MAP4K3: variants seen among roughly 807,000 people sequenced by gnomAD.
The protein encoded by MAP4K3 is mitogen-activated protein kinase kinase kinase kinase 3.
MAP4K3 carries 94 observed loss-of-function variants against 143.5 expected under a neutral mutation model. That is an observed-to-expected ratio of 0.65 (90% CI 0.55 to 0.78). The LOEUF (loss-of-function observed/expected upper bound fraction) is 0.78. MAP4K3 is among the 30% of genes least tolerant of loss of function. MAP4K3 has a pLI of 0.00. For synonymous variants in MAP4K3, 416 were observed against 347.2 expected, an observed-to-expected ratio of 1.20 and a Z score of -2.20; for missense variants, 1,077 against 1,068.1, an observed-to-expected ratio of 1.01 and a Z score of -0.12.
At chr2:39,312,294 A>C (rs1456830261) in intron 13 of MAP4K3, among the ~76,000 whole-genome samples, 1 of 152,172 alleles carries the variant, frequency 6.6e-6, no homozygotes, top group Non-Finnish European at 1.5e-5. Context: ...CTGATCTTAT[A>C]ACCTGGGTAA....
At chr2:39,337,646 G>A (rs1665006412) in intron 4 of MAP4K3, 65 bp from the exon 5 acceptor site, 4 of 994,070 alleles carry the variant, frequency 4.0e-6, no homozygotes, top group Non-Finnish European at 1.5e-6. Flanking sequence ...ATATAATAAA[G>A]TTTTACAAGT....
chr2:39,295,259 T>A (rs1027405445), intron 16 of MAP4K3, among the ~76,000 whole-genome samples: 1 of 152,076 alleles, frequency 6.6e-6, no homozygotes, highest in African/African-American at 2.4e-5. Flanking sequence ...TGTGAAGAGC[T>A]GGCATTTGAG....
Position 39,414,703 on chromosome 2 carries a change from G to A in MAP4K3, c.96+22189C>T, listed in dbSNP as rs532127162. On this transcript the variant is annotated intron_variant, in intron 1 of 33. Coordinates refer to ENST00000263881, the MANE Select transcript of MAP4K3 (RefSeq NM_003618.4). Reference sequence around the variant, plus strand: ...ATCCTGGCTAACACGGTGAAACCCCGTCTCTAGTAAAAATACAAAAAATTA... The same window carrying A: ...ATCCTGGCTAACACGGTGAAACCCCATCTCTAGTAAAAATACAAAAAATTA... Among the ~76,000 whole-genome samples, 472 of 152,138 alleles carry A rather than the reference G, an allele frequency of 3.1e-3. 3 individuals carry two copies. The highest frequency in any genetic ancestry group is 0.011 in the African/African-American group (448 of 41,506).
intron 18 of MAP4K3, among the ~76,000 whole-genome samples, chr2:39,290,909 T>A (rs1436378808): frequency 6.6e-6 from 1 of 151,950 alleles, no homozygotes; most frequent in Non-Finnish European, 1.5e-5. Flanking sequence ...AAACACCATC[T>A]CTACTAAAAA....
intron 1 of MAP4K3, 95 bp from the exon 2 acceptor site, chr2:39,378,218 A>T (rs1278778140): frequency 1.6e-6 from 1 of 642,862 alleles, no homozygotes; most frequent in Non-Finnish European, 2.7e-6. Flanking sequence ...GTTATATAAA[A>T]ATATTTTAAA....
chr2:39,417,312 C>T (rs12328714), intron 1 of MAP4K3, among the ~76,000 whole-genome samples: 117,593 of 151,676 alleles, frequency 0.78, 51,235 homozygotes, highest in Non-Finnish European at 0.95. Context: ...CTCCTCCTCC[C>T]GGATTCACGC....
chr2:39,282,402 T>C lies in MAP4K3; in HGVS notation c.1629+111A>G, dbSNP rs878880644. On this transcript the variant is annotated intron_variant, in intron 22 of 33. Coordinates refer to ENST00000263881, the MANE Select transcript of MAP4K3 (RefSeq NM_003618.4). ...AATTAAATTAGCAATCTTATAGATT[T>C]TTTTTCAATAATAATGAAAGTTCTT... 3.5e-6 allele frequency: 3 copies of C among 858,138 alleles called. No homozygotes were observed. In the African/African-American group the frequency reaches 5.2e-5, roughly 15 times the overall value. 53.2% of individuals were successfully genotyped at this position (858,138 alleles called of 1,614,324 possible).
At chr2:39,322,470 A>T (rs1683339776) in intron 12 of MAP4K3, among the ~76,000 whole-genome samples, 1 of 152,046 alleles carries the variant, frequency 6.6e-6, no homozygotes, top group African/African-American at 2.4e-5. Context: ...CAGAATTAGA[A>T]TTACACCAGT....
chr2:39,332,819 TCA>T (rs1683723808), intron 7 of MAP4K3, among the ~76,000 whole-genome samples: 1 of 152,064 alleles, frequency 6.6e-6, no homozygotes, highest in Non-Finnish European at 1.5e-5. Context: ...CTGATTAATC[TCA>T]CAGGTTATAG....
chr2:39,288,087 T>A lies in MAP4K3; in HGVS notation c.1474+34A>T, dbSNP rs201723044. ...TTTTTCTCCCCATAGTATGAAAACC[T>A]GGTAACATATTTGCTGTCACCCTCC... On this transcript the variant is annotated intron_variant, in intron 20 of 33. Coordinates refer to ENST00000263881, the MANE Select transcript of MAP4K3 (RefSeq NM_003618.4). The A allele has an allele frequency of 2.5e-6, 4 of 1,610,854 alleles. No homozygotes were observed. In the African/African-American group the frequency reaches 5.3e-5, roughly 21 times the overall value.
intron 16 of MAP4K3, chr2:39,294,408 T>C (rs1389953814): frequency 6.6e-6 from 1 of 152,230 alleles, no homozygotes; most frequent in South Asian, 2.1e-4. Flanking sequence ...CACAAACTAA[T>C]TGCAAGTCCT....
chr2:39,307,552 A>G (rs1450801242), intron 15 of MAP4K3, among the ~76,000 whole-genome samples: 1 of 151,292 alleles, frequency 6.6e-6, no homozygotes, highest in Non-Finnish European at 1.5e-5. Flanking sequence ...ATATGAATAT[A>G]TGTACCATAT....
intron 14 of MAP4K3, 86 bp downstream of exon 14, chr2:39,309,375 C>CT (rs950889064): frequency 4.8e-5 from 45 of 946,080 alleles, no homozygotes; most frequent in Non-Finnish European, 7.0e-5. Context: ...TAATGACTAG[C>CT]TTTTTTGGTC....
At chr2:39,393,168 G>A (rs1666714110) in intron 1 of MAP4K3, among the ~76,000 whole-genome samples, 1 of 152,176 alleles carries the variant, frequency 6.6e-6, no homozygotes, top group Admixed American at 6.5e-5. Flanking sequence ...GATTAAGTGA[G>A]CTCATTAGAA....
chr2:39,330,517 G>C (rs977397815), intron 8 of MAP4K3, among the ~76,000 whole-genome samples: 6 of 152,108 alleles, frequency 3.9e-5, no homozygotes, highest in African/African-American at 7.2e-5. Flanking sequence ...ATCCAAGAAA[G>C]GAATGCTAAG....
At chr2:39,359,009 A>G (rs1357302047) in intron 2 of MAP4K3, among the ~76,000 whole-genome samples, 1 of 152,150 alleles carries the variant, frequency 6.6e-6, no homozygotes, top group African/African-American at 2.4e-5. Flanking sequence ...ACAGTCCCCC[A>G]AAGTCTTAGT....
At chr2:39,386,389 A>G (rs575931459) in intron 1 of MAP4K3, among the ~76,000 whole-genome samples, 64 of 152,368 alleles carry the variant, frequency 4.2e-4, no homozygotes, top group African/African-American at 1.4e-3. Context: ...AAATATACAG[A>G]GCAAAAGTTT....
At chr2:39,324,655 C>T (rs1428832986) in intron 12 of MAP4K3, among the ~76,000 whole-genome samples, 1 of 152,108 alleles carries the variant, frequency 6.6e-6, no homozygotes, top group Non-Finnish European at 1.5e-5. Context: ...ATGAAATTTA[C>T]AATATTTTTA....
chr2:39,382,381 G>A (rs760594037), intron 1 of MAP4K3, among the ~76,000 whole-genome samples: 12 of 152,172 alleles, frequency 7.9e-5, no homozygotes, highest in Non-Finnish European at 1.3e-4. Context: ...GGGCATGTCC[G>A]ATGTGAATAT....
Sources: gnomAD v4.1 joint callset for allele counts (sites outside exome capture counted in the v4.1 genomes callset) on GRCh38, gnomAD v4.1.1 for gene constraint, MANE v1.5 for transcripts, NCBI Gene and HGNC (gene_info 2026-07-23, HGNC 2026-07-21) for gene names.